The following CMYA5 variants were observed in gnomAD, a reference collection of about 807,000 sequenced individuals.
The protein encoded by CMYA5 is cardiomyopathy-associated protein 5.
CMYA5 carries 246 observed loss-of-function variants against 318.9 expected under a neutral mutation model. The ratio of observed to expected loss-of-function variants is 0.77; its 90% CI spans 0.70 to 0.86. The LOEUF (loss-of-function observed/expected upper bound fraction) is 0.86. CMYA5 is among the 40% of genes least tolerant of loss of function. The pLI is 0.00. For synonymous variants in CMYA5, 1,641 were observed against 1,729.5 expected (o/e 0.95, Z 1.27); for missense variants, 4,589 against 4,678.2 (o/e 0.98, Z 0.56).
intron 1 of CMYA5, among the ~76,000 whole-genome samples, chr5:79,701,893 C>T (rs767321787): frequency 1.4e-4 from 21 of 151,834 alleles, no homozygotes; most frequent in East Asian, 1.9e-4. Context: ...TTTGGGAGGC[C>T]GAGGCGGGTG....
Position 79,793,400 on chromosome 5 carries a change from C to A in CMYA5, c.11790-37C>A, listed in dbSNP as rs765538583. 5.1e-6 allele frequency: 8 copies of A among 1,580,946 alleles called. No homozygotes were observed. The South Asian group carries it at 9.0e-5, about 18-fold the overall frequency. ...GCTTATGAGATACAGGCCGGCGATTCCTGCACTGAGCATACTCTGATTGAC... is the reference window on the plus strand; with the variant it reads ...GCTTATGAGATACAGGCCGGCGATTACTGCACTGAGCATACTCTGATTGAC... On this transcript the variant is annotated intron_variant, in intron 11 of 12. Transcript: ENST00000446378.
intron 1 of CMYA5, among the ~76,000 whole-genome samples, chr5:79,699,646 C>G (rs1827138434): frequency 6.6e-6 from 1 of 152,150 alleles, no homozygotes. Flanking sequence ...ATCCTGCTAA[C>G]AGGAGTGAAC....
intron 11 of CMYA5, among the ~76,000 whole-genome samples, chr5:79,791,713 CAAA>C (rs61063837): frequency 0.036 from 3,323 of 92,000 alleles, 110 homozygotes; most frequent in African/African-American, 0.11. Context: ...GACTCTGTCT[CAAA>C]AAAAAAAAAA....
chr5:79,791,371 T>G (rs1256525504), intron 11 of CMYA5, among the ~76,000 whole-genome samples: 1 of 152,150 alleles, frequency 6.6e-6, no homozygotes, highest in Non-Finnish European at 1.5e-5. Flanking sequence ...AAGGGTCCAG[T>G]AATTCTTTTA....
intron 2 of CMYA5, among the ~76,000 whole-genome samples, chr5:79,743,044 G>A (rs1039891441): frequency 6.6e-6 from 1 of 152,140 alleles, no homozygotes; most frequent in Non-Finnish European, 1.5e-5. Flanking sequence ...TGGAGCCTGG[G>A]GGCTGTGGAG....
Position 79,762,026 on chromosome 5 carries a change from C to A in CMYA5, c.11407+69C>A. The A allele has an allele frequency of 2.0e-6, 3 of 1,486,640 alleles. 1 individual carries two copies. The highest frequency in any genetic ancestry group is 3.6e-4 in the Middle Eastern group (2 of 5,584). 92.1% of individuals were successfully genotyped at this position (1,486,640 alleles called of 1,614,324 possible). Reference sequence around the variant, plus strand: ...GTTCTTCACAGACTCTTGAGATCAGCCAGTAAGTGTTTATTAAGCACCTAT... The same window carrying A: ...GTTCTTCACAGACTCTTGAGATCAGACAGTAAGTGTTTATTAAGCACCTAT... On this transcript the variant is annotated intron_variant, in intron 8 of 12. Transcript: ENST00000446378.
chr5:79,766,377 A>G (rs1828751066), intron 9 of CMYA5, among the ~76,000 whole-genome samples: 1 of 152,162 alleles, frequency 6.6e-6, no homozygotes, highest in South Asian at 2.1e-4. Flanking sequence ...TGGGATTACA[A>G]GGGTGAGTCA....
rs1827917166 is a variant in CMYA5, at chr5:79,731,892, G to A, written c.3127G>A (p.Glu1043Lys). 2 of 1,613,356 alleles carry A rather than the reference G, an allele frequency of 1.2e-6. No homozygotes were observed. The highest frequency in any genetic ancestry group is 1.3e-5 in the African/African-American group (1 of 74,896). Residue 1043 changes from glutamate to lysine, a missense_variant, in exon 2 of 13, where the codon GAG (glutamate) becomes AAG (lysine). Around this residue, in one of 3 missense-constraint regions of CMYA5, gnomAD observed 2,132 missense variants for 2,131.3 expected, o/e 1.00. Transcript: ENST00000446378. ...TTATTCCTGCTTTTCAGAAGCAGAT[G>A]AGGAAGACATTGGATCCACAGCTGC... ...SGYSCFSEAD[E>K]EDIGSTAATP...
chr5:79,708,603 C>T (rs1014625068), intron 1 of CMYA5, among the ~76,000 whole-genome samples: 1 of 150,780 alleles, frequency 6.6e-6, no homozygotes, highest in Non-Finnish European at 1.5e-5. Flanking sequence ...CCAGCCTGGG[C>T]GACAGAGCAA....
rs1489683860 is a variant in CMYA5, at chr5:79,731,259, G to A, written c.2494G>A (p.Val832Ile). 1 of 1,613,906 alleles carries A rather than the reference G, an allele frequency of 6.2e-7. No individual in the cohort carries two copies. The highest frequency in any genetic ancestry group is 1.3e-5 in the African/African-American group (1 of 74,924). The stretch of plus-strand genomic sequence containing the variant: ...ACCAAAAGGTATTTCTGAGCACACA[G>A]TTCTGTCAGTAGACGGCAAGGAGGT... Reference protein sequence around the residue: ...FKPKGISEHTVLSVDGKEVIG... With the variant: ...FKPKGISEHTILSVDGKEVIG... Residue 832 changes from valine (V) to isoleucine (I), a missense_variant, in exon 2 of 13, where the codon GTT becomes ATT. Val to Ile is a conservative substitution (Grantham distance 29). Around this residue, in one of 3 missense-constraint regions of CMYA5, gnomAD observed 2,132 missense variants for 2,131.3 expected, o/e 1.00. Coordinates refer to ENST00000446378, the MANE Select transcript of CMYA5 (RefSeq NM_153610.5).
At position 79,756,794 on chromosome 5, in the gene CMYA5, T is replaced by C. The variant is rs150645944; in HGVS notation, c.11111-1959T>C. On this transcript the variant is annotated intron_variant, in intron 6 of 12. Coordinates refer to ENST00000446378, the MANE Select transcript of CMYA5 (RefSeq NM_153610.5). ...CTTTTCCTTTGGTGTCCACTTTTAATAAAGTAATCTCATAAAATTTGGCCC... is the reference window on the plus strand; with the variant it reads ...CTTTTCCTTTGGTGTCCACTTTTAACAAAGTAATCTCATAAAATTTGGCCC... Among the ~76,000 whole-genome samples the C allele has an allele frequency of 4.8e-3, 730 of 152,232 alleles. 7 individuals carry two copies. The highest frequency in any genetic ancestry group is 0.015 in the African/African-American group (634 of 41,518).
intron 12 of CMYA5, among the ~76,000 whole-genome samples, chr5:79,794,422 T>C (rs1246510297): frequency 6.6e-6 from 1 of 152,238 alleles, no homozygotes; most frequent in East Asian, 1.9e-4. Flanking sequence ...AGGTATATTA[T>C]GATCTGAATA....
intron 1 of CMYA5, among the ~76,000 whole-genome samples, chr5:79,700,908 A>T (rs1827162068): frequency 6.6e-6 from 1 of 151,986 alleles, no homozygotes; most frequent in African/African-American, 2.4e-5. Flanking sequence ...CAGGAAGGGT[A>T]GCAGGGAGGC....
At chr5:79,748,793 C>T (rs1035943970) in intron 5 of CMYA5, among the ~76,000 whole-genome samples, 20 of 152,152 alleles carry the variant, frequency 1.3e-4, no homozygotes, top group African/African-American at 4.6e-4. Flanking sequence ...ATCTGCCCAC[C>T]TCCAGTTTCC....
In CMYA5 at chr5:79,762,126, C is replaced by T. The variant is rs114167385; in HGVS notation, c.11407+169C>T. 495 of 641,100 alleles carry T rather than the reference C, an allele frequency of 7.7e-4. 1 individual carries two copies. In the African/African-American group the frequency reaches 8.4e-3, roughly 11 times the overall value. The allele number at this position is 641,100 out of a possible 1,614,324, so 39.7% of individuals were successfully genotyped here. On this transcript the variant is annotated intron_variant, in intron 8 of 12. Coordinates refer to ENST00000446378, the MANE Select transcript of CMYA5 (RefSeq NM_153610.5). ...CCTGGGGTCCTGTTCTCAAGAAGCTCATGCTCAGGTGGGGAGATGGAAAAA... is the reference window on the plus strand; with the variant it reads ...CCTGGGGTCCTGTTCTCAAGAAGCTTATGCTCAGGTGGGGAGATGGAAAAA...
intron 1 of CMYA5, among the ~76,000 whole-genome samples, chr5:79,715,454 AT>A (rs1047821691): frequency 6.6e-5 from 10 of 151,820 alleles, no homozygotes; most frequent in African/African-American, 9.7e-5. Flanking sequence ...CGCCCGGCTA[AT>A]TTTTTGTATT....
chr5:79,785,241 T>C (rs1829062464), intron 9 of CMYA5, among the ~76,000 whole-genome samples: 1 of 152,174 alleles, frequency 6.6e-6, no homozygotes, highest in Non-Finnish European at 1.5e-5. Context: ...GTAGATTAGG[T>C]TGCCGCTTCC....
At position 79,736,481 on chromosome 5, in the gene CMYA5, A is replaced by G; in HGVS notation, c.7716A>G (p.Ser2572=). Reference sequence around the variant, plus strand: ...TAGCCGAGTCTATGAGTAGAGAATCAGATATCTCTTTAGGTCATTCTTTGG... The same window carrying G: ...TAGCCGAGTCTATGAGTAGAGAATCGGATATCTCTTTAGGTCATTCTTTGG... ...VNVAESMSRE[S]DISLGHSLGE... is the part of the protein sequence containing the mutation. The change falls in exon 2 of 13, where the codon TCA becomes TCG. Residue 2572 remains serine, a synonymous_variant. Coordinates refer to ENST00000446378, the MANE Select transcript of CMYA5 (RefSeq NM_153610.5). 1 of 1,611,236 alleles carries G rather than the reference A, an allele frequency of 6.2e-7. No homozygotes were observed. Among genetic ancestry groups the G allele is most frequent in the Non-Finnish European group, 8.5e-7 (1 of 1,178,452 alleles).
Position 79,794,873 on chromosome 5 carries a change from G to A in CMYA5, c.11963+1263G>A, listed in dbSNP as rs971944061. Reference sequence around the variant, plus strand: ...CAAGCACTACTTAAAGTCACGTTTCGTCAAGTCAGAGCAATTATGATTAAT... The same window carrying A: ...CAAGCACTACTTAAAGTCACGTTTCATCAAGTCAGAGCAATTATGATTAAT... On this transcript the variant is annotated intron_variant, in intron 12 of 12. Coordinates refer to ENST00000446378, the MANE Select transcript of CMYA5 (RefSeq NM_153610.5). Among the ~76,000 whole-genome samples, 5 of 152,158 alleles carry A rather than the reference G, an allele frequency of 3.3e-5. 1 individual carries two copies. Among genetic ancestry groups the A allele is most frequent in the South Asian group, 2.1e-4 (1 of 4,806 alleles).
Sources: gnomAD v4.1 joint callset for allele counts (sites outside exome capture counted in the v4.1 genomes callset) on GRCh38, gnomAD v4.1.1 for gene constraint, gnomAD v4.1.1 regional missense constraint, MANE v1.5 for transcripts, NCBI Gene and HGNC (gene_info 2026-07-23, HGNC 2026-07-21) for gene names.